SLC15A1: variants seen among roughly 807,000 people sequenced by gnomAD.
SLC15A1 encodes the protein solute carrier family 15 member 1, also known as Caco-2 oligopeptide transporter.
In SLC15A1, 83 loss-of-function variants were observed where a neutral mutation model predicts 92.9. The observed-to-expected ratio is 0.89, with a 90% confidence interval of 0.75 to 1.07. The LOEUF is 1.07. SLC15A1 is among the 50% of genes least tolerant of loss of function. SLC15A1 has a pLI of 0.00. For missense variants in SLC15A1, 857 were observed against 880.1 expected (o/e 0.97, Z 0.33); for synonymous variants, 322 against 318.2 (o/e 1.01, Z -0.13).
intron 18 of SLC15A1, among the ~76,000 whole-genome samples, chr13:98,692,136 CTT>C (rs528865683): frequency 3.1e-4 from 21 of 67,626 alleles, no homozygotes; most frequent in East Asian, 1.3e-3. Flanking sequence ...TTCTCCTAAA[CTT>C]TTTTTTTTTT....
At chr13:98,701,844 TAA>T (rs71213692) in intron 18 of SLC15A1, among the ~76,000 whole-genome samples, 3 of 148,680 alleles carry the variant, frequency 2.0e-5, no homozygotes, top group African/African-American at 5.1e-5. Flanking sequence ...CTATTTTTTT[TAA>T]AAATTTTTAT....
Position 98,684,623 on chromosome 13 carries a change from G to A in SLC15A1, c.*101C>T, listed in dbSNP as rs2087915791. 5.5e-6 allele frequency: 4 copies of A among 730,020 alleles called. No homozygotes were observed. The South Asian group carries it at 9.4e-5, about 17-fold the overall frequency. The allele number at this position is 730,020 out of a possible 1,614,324, so 45.2% of individuals were successfully genotyped here. On this transcript the variant is annotated 3_prime_UTR_variant, in exon 23 of 23. Transcript: ENST00000376503. ...TCATGGTTTAGTTCCCAATTCTGAA[G>A]TCTTCCTCATCAGGGGCCATCCAAT...
At chr13:98,722,147 G>A (rs1214655278) in intron 5 of SLC15A1, among the ~76,000 whole-genome samples, 4 of 152,138 alleles carry the variant, frequency 2.6e-5, no homozygotes, top group Non-Finnish European at 4.4e-5. Flanking sequence ...AGTAGCTTGC[G>A]AGCTGAGCAA....
chr13:98,686,947 T>C, intron 21 of SLC15A1, among the ~76,000 whole-genome samples: 1 of 119,800 alleles, frequency 8.3e-6, no homozygotes, highest in South Asian at 3.2e-4. Flanking sequence ...TTTCTTTTTC[T>C]TCTTTTTTTT....
chr13:98,711,895 A>G lies in SLC15A1; in HGVS notation c.859T>C (p.Tyr287His). 1 of 1,613,724 alleles carries G rather than the reference A, an allele frequency of 6.2e-7. No homozygotes were observed. Among genetic ancestry groups the G allele is most frequent in the Non-Finnish European group, 8.5e-7 (1 of 1,179,966 alleles). ...IKMVTRVMFL[Y>H]IPLPMFWALF... ...GCCCAGAACATTGGGAGTGGAATAT[A>G]CAGGAACATCACCCTCGTAACCATC... Residue 287 changes from tyrosine (Y) to histidine (H), a missense_variant, in exon 11 of 23, where the codon TAT (tyrosine) becomes CAT (histidine). Coordinates refer to ENST00000376503, the MANE Select transcript of SLC15A1 (RefSeq NM_005073.4).
At chr13:98,737,479 G>A (rs1434810969) in intron 1 of SLC15A1, among the ~76,000 whole-genome samples, 6 of 152,104 alleles carry the variant, frequency 3.9e-5, no homozygotes, top group Non-Finnish European at 7.4e-5. Context: ...GTGAACACTA[G>A]AACTTAAAGT....
chr13:98,741,230 C>T (rs1043968283), intron 1 of SLC15A1, among the ~76,000 whole-genome samples: 1 of 152,224 alleles, frequency 6.6e-6, no homozygotes, highest in African/African-American at 2.4e-5. Flanking sequence ...GGCTGCATTC[C>T]ATACCAGGGG....
intron 8 of SLC15A1, among the ~76,000 whole-genome samples, chr13:98,718,187 C>T (rs2088225787): frequency 6.6e-6 from 1 of 151,698 alleles, no homozygotes; most frequent in African/African-American, 2.4e-5. Flanking sequence ...GTTTCAGTGG[C>T]AACTGAACCA....
rs552809476 is a variant in SLC15A1 at position 98,736,833 on chromosome 13, T to C, written c.5-9974A>G. On this transcript the variant is annotated intron_variant, in intron 1 of 22. Coordinates refer to ENST00000376503, the MANE Select transcript of SLC15A1 (RefSeq NM_005073.4). ...AGTTAGAATGGCGATCATTAAAAAG[T>C]CAGGAAACCACAGGTGCTGGAGAGG... Among the ~76,000 whole-genome samples, 144 of 152,268 alleles carry C rather than the reference T, an allele frequency of 9.5e-4. 1 individual carries two copies. The highest frequency in any genetic ancestry group is 3.2e-3 in the African/African-American group (135 of 41,546).
At chr13:98,695,272 A>T (rs369710474) in intron 18 of SLC15A1, among the ~76,000 whole-genome samples, 40 of 152,258 alleles carry the variant, frequency 2.6e-4, no homozygotes, top group African/African-American at 9.6e-4. Context: ...TATTTTTTAG[A>T]TACAGGGTCT....
At chr13:98,732,306 T>C (rs1361625315) in intron 1 of SLC15A1, among the ~76,000 whole-genome samples, 1 of 152,194 alleles carries the variant, frequency 6.6e-6, no homozygotes, top group African/African-American at 2.4e-5. Context: ...GGACTTCCCA[T>C]AGGACTGTTC....
intron 18 of SLC15A1, among the ~76,000 whole-genome samples, chr13:98,700,663 T>C (rs2088059925): frequency 6.6e-6 from 1 of 152,144 alleles, no homozygotes; most frequent in Non-Finnish European, 1.5e-5. Flanking sequence ...TACTTGTAGA[T>C]CTAGAATCAA....
At chr13:98,730,059 G>C (rs985880136) in intron 1 of SLC15A1, among the ~76,000 whole-genome samples, 1 of 151,920 alleles carries the variant, frequency 6.6e-6, no homozygotes, top group African/African-American at 2.4e-5. Context: ...ACAAAAATTA[G>C]CTGGGCGTGG....
chr13:98,692,384 C>T (rs999648307), intron 18 of SLC15A1, among the ~76,000 whole-genome samples: 7 of 151,884 alleles, frequency 4.6e-5, no homozygotes, highest in African/African-American at 7.3e-5. Flanking sequence ...GTCTTGAACT[C>T]CTGGCCTCAA....
At chr13:98,699,518 T>C (rs774882066) in intron 18 of SLC15A1, among the ~76,000 whole-genome samples, 8 of 152,222 alleles carry the variant, frequency 5.3e-5, no homozygotes, top group South Asian at 2.1e-4. Flanking sequence ...GCATCCTCCA[T>C]TGAAGGACAT....
chr13:98,752,511 G>A lies in SLC15A1; in HGVS notation c.4+84C>T, dbSNP rs915746697. On this transcript the variant is annotated intron_variant, in intron 1 of 22. Transcript: ENST00000376503. ...CGCTTCCCGCCGCCGCGTACCCTTCGCGCCTCCCGGCCCTCGGTGCCGGCC... is the reference window on the plus strand; with the variant it reads ...CGCTTCCCGCCGCCGCGTACCCTTCACGCCTCCCGGCCCTCGGTGCCGGCC... 6 of 1,206,980 alleles carry A rather than the reference G, an allele frequency of 5.0e-6. No individual in the cohort carries two copies. In the African/African-American group the frequency reaches 9.5e-5, roughly 19 times the overall value. 74.8% of individuals were successfully genotyped at this position (1,206,980 alleles called of 1,614,324 possible).
chr13:98,692,900 G>C (rs1566443478), intron 18 of SLC15A1, among the ~76,000 whole-genome samples: 1 of 151,746 alleles, frequency 6.6e-6, no homozygotes, highest in Non-Finnish European at 1.5e-5. Context: ...ACCATGCCTG[G>C]CTAATTTTTG....
chr13:98,726,140 C>T lies in SLC15A1; in HGVS notation c.228G>A (p.Ser76=), dbSNP rs767344711. ...TPILGALIAD[S]WLGKFKTIVS... is the part of the protein sequence containing the mutation. ...CCACTCACTTGAACTTTCCCAGCCA[C>T]GAGTCGGCGATAAGAGCTCCGAGAA... The change falls in exon 4 of 23, where the codon TCG becomes TCA. Residue 76 remains serine, a synonymous_variant. Transcript: ENST00000376503. 6.2e-6 allele frequency: 10 copies of T among 1,613,934 alleles called. No individual in the cohort carries two copies. Among genetic ancestry groups the T allele is most frequent in the Admixed American group, 1.7e-5 (1 of 59,980 alleles).
intron 21 of SLC15A1, 129 bp from the exon 22 acceptor site, chr13:98,686,426 ATGT>A: frequency 1.5e-6 from 1 of 662,648 alleles, no homozygotes; most frequent in Admixed American, 2.2e-5. Flanking sequence ...GGTGGCCTCA[ATGT>A]AAAAAGGATC....
Sources: allele counts gnomAD v4.1 joint callset (sites outside exome capture counted in the v4.1 genomes callset), GRCh38; gene constraint gnomAD v4.1.1; transcripts MANE v1.5; gene names NCBI Gene and HGNC (gene_info 2026-07-23, HGNC 2026-07-21).